ACP3: variants seen among roughly 807,000 people sequenced by gnomAD.
ACP3 encodes the protein acid phosphatase 3.
In ACP3, 38 loss-of-function variants were observed where a neutral mutation model predicts 45.6. The ratio of observed to expected loss-of-function variants is 0.83; its 90% CI spans 0.64 to 1.09. The LOEUF is 1.09. Ranked by LOEUF, ACP3 falls within the 50% of genes least tolerant of loss-of-function variation. ACP3 has a pLI of 0.00. For missense variants in ACP3, 466 were observed against 463.2 expected, an observed-to-expected ratio of 1.01 and a Z score of -0.05; for synonymous variants, 162 against 164.7, an observed-to-expected ratio of 0.98 and a Z score of 0.13.
At chr3:132,321,005 T>C (rs1236377376) in intron 1 of ACP3, among the ~76,000 whole-genome samples, 2 of 152,122 alleles carry the variant, frequency 1.3e-5, no homozygotes, top group Non-Finnish European at 2.9e-5. Flanking sequence ...ATAATCTATA[T>C]ACTGGAATGG....
chr3:132,361,062 C>G (rs1175065304), downstream of ACP3, among the ~76,000 whole-genome samples: 2 of 152,198 alleles, frequency 1.3e-5, no homozygotes, highest in Non-Finnish European at 2.9e-5. Context: ...GAGACCCAAT[C>G]ATTGGCCATA....
chr3:132,348,046 A>T (rs536588135), intron 7 of ACP3, among the ~76,000 whole-genome samples: 2 of 152,164 alleles, frequency 1.3e-5, no homozygotes, highest in African/African-American at 4.8e-5. Context: ...TCATTCATTT[A>T]TGCATTGTCT....
chr3:132,337,167 G>A (rs1937506162), intron 4 of ACP3, among the ~76,000 whole-genome samples: 1 of 151,838 alleles, frequency 6.6e-6, no homozygotes, highest in South Asian at 2.1e-4. Flanking sequence ...TTATTCACGT[G>A]GAAGATCGAG....
At chr3:132,330,632 A>C (rs1341835348) in intron 2 of ACP3, among the ~76,000 whole-genome samples, 4 of 152,024 alleles carry the variant, frequency 2.6e-5, no homozygotes, top group Non-Finnish European at 5.9e-5. Flanking sequence ...TTCCTTTCCC[A>C]CCTTGTCCCT....
intron 7 of ACP3, among the ~76,000 whole-genome samples, 170 bp from the exon 8 acceptor site, chr3:132,349,750 T>C (rs1335855091): frequency 2.0e-5 from 3 of 151,702 alleles, no homozygotes; most frequent in Admixed American, 1.3e-4. Flanking sequence ...AAAAAAAGTA[T>C]GTAAATCACA....
At chr3:132,332,366 G>C (rs1937416366) in intron 4 of ACP3, 22 bp downstream of exon 4, 1 of 1,613,724 alleles carries the variant, frequency 6.2e-7, no homozygotes, top group Non-Finnish European at 8.5e-7. Context: ...GGGAAAACCA[G>C]GAGATTTCAG....
intron 5 of ACP3, among the ~76,000 whole-genome samples, chr3:132,338,904 G>C (rs1032530149): frequency 6.6e-6 from 1 of 152,006 alleles, no homozygotes; most frequent in Admixed American, 6.6e-5. Context: ...AAGTTCAGGG[G>C]TACAAATGCA....
At chr3:132,325,846 A>G (rs1387095843) in intron 1 of ACP3, among the ~76,000 whole-genome samples, 1 of 152,208 alleles carries the variant, frequency 6.6e-6, no homozygotes, top group African/African-American at 2.4e-5. Flanking sequence ...CACTTAATTA[A>G]GCTAAACTTC....
chr3:132,333,225 G>C (rs1447453465), intron 4 of ACP3, among the ~76,000 whole-genome samples: 1 of 152,196 alleles, frequency 6.6e-6, no homozygotes, highest in Non-Finnish European at 1.5e-5. Flanking sequence ...GGCTGTTTGA[G>C]AGAAACTCTC....
At chr3:132,345,716 C>G (rs1433088637) in intron 7 of ACP3, among the ~76,000 whole-genome samples, 1 of 152,162 alleles carries the variant, frequency 6.6e-6, no homozygotes, top group Non-Finnish European at 1.5e-5. Flanking sequence ...AGAACTGGCT[C>G]TTCGTAGCAC....
chr3:132,336,995 AT>A (rs1937501698), intron 4 of ACP3, among the ~76,000 whole-genome samples: 1 of 152,076 alleles, frequency 6.6e-6, no homozygotes, highest in African/African-American at 2.4e-5. Context: ...CCTGAAGTTA[AT>A]GAGTGGTTAA....
Position 132,367,620 on chromosome 3 carries a change from A to T in ACP3, c.1139-84A>T. 2.8e-6 allele frequency: 3 copies of T among 1,081,796 alleles called. No individual in the cohort carries two copies. In the South Asian group the frequency reaches 4.0e-5, roughly 14 times the overall value. The allele number at this position is 1,081,796 out of a possible 1,614,324, so 67.0% of individuals were successfully genotyped here. A position where few individuals can be genotyped will look rare whatever the true frequency, so the allele number is the denominator to read the frequency against. Reference sequence around the variant, plus strand: ...GCAACTCCTCTGAAATTTGCAATTAAGGCAGAAAGCAACACTCACATGTGA... The same window carrying T: ...GCAACTCCTCTGAAATTTGCAATTATGGCAGAAAGCAACACTCACATGTGA... On this transcript the variant is annotated intron_variant, in intron 10 of 10. Transcript: ENST00000351273.
chr3:132,342,714 T>G (rs1306135330), intron 6 of ACP3, 70 bp downstream of exon 6: 4 of 946,162 alleles, frequency 4.2e-6, no homozygotes, highest in Non-Finnish European at 6.4e-6. Flanking sequence ...TTGAAATAGA[T>G]GAATATCTTT....
intron 1 of ACP3, among the ~76,000 whole-genome samples, chr3:132,318,744 T>A (rs572594291): frequency 9.2e-5 from 14 of 152,334 alleles, no homozygotes; most frequent in African/African-American, 3.4e-4. Context: ...GGGAAACCCA[T>A]GTGAGCTAGG....
At chr3:132,345,131 A>G in intron 7 of ACP3, 72 bp downstream of exon 7, 2 of 1,382,002 alleles carry the variant, frequency 1.4e-6, no homozygotes, top group South Asian at 1.2e-5. Context: ...CATTCCCTCC[A>G]CTAATCAACT....
chr3:132,335,216 T>C (rs924631613), intron 4 of ACP3, among the ~76,000 whole-genome samples: 10 of 152,218 alleles, frequency 6.6e-5, no homozygotes, highest in Non-Finnish European at 1.3e-4. Flanking sequence ...AAAAGAAACC[T>C]GTATACATTC....
downstream of ACP3, among the ~76,000 whole-genome samples, chr3:132,360,059 G>A (rs972440421): frequency 6.6e-6 from 1 of 152,180 alleles, no homozygotes; most frequent in African/African-American, 2.4e-5. Context: ...AAAGAGGGAT[G>A]CTAGGGGCAG....
At chr3:132,363,146 G>A (rs1253592219), downstream of ACP3, among the ~76,000 whole-genome samples, 1 of 152,116 alleles carries the variant, frequency 6.6e-6, no homozygotes, top group Admixed American at 6.5e-5. Flanking sequence ...GCGCTCACCT[G>A]AGTCTTTTCT....
intron 7 of ACP3, among the ~76,000 whole-genome samples, chr3:132,346,528 G>C (rs1937610547): frequency 6.6e-6 from 1 of 152,230 alleles, no homozygotes; most frequent in Admixed American, 6.5e-5. Context: ...AGTCTCCAGA[G>C]AGGAGTCTTA....
Sources: gnomAD v4.1 joint callset for allele counts (sites outside exome capture counted in the v4.1 genomes callset) on GRCh38, gnomAD v4.1.1 for gene constraint, MANE v1.5 for transcripts, NCBI Gene and HGNC (gene_info 2026-07-23, HGNC 2026-07-21) for gene names.